The following FAM83E variants were observed in gnomAD, a reference collection of about 807,000 sequenced individuals.
FAM83E encodes the protein protein FAM83E.
FAM83E carries 29 observed loss-of-function variants against 34.3 expected under a neutral mutation model. The ratio of observed to expected loss-of-function variants is 0.85; its 90% CI spans 0.63 to 1.15. The LOEUF is 1.15. Ranked by LOEUF, FAM83E falls within the 50% of genes most tolerant of loss-of-function variation. The pLI is 0.00. For missense variants in FAM83E, 697 were observed against 685.0 expected, an observed-to-expected ratio of 1.02 and a Z score of -0.20; for synonymous variants, 312 against 311.6, an observed-to-expected ratio of 1.00 and a Z score of -0.01.
chr19:48,613,861 CCTGT>C lies in FAM83E; in HGVS notation c.-493_-490del. The C allele has an allele frequency of 8.1e-6, 8 of 985,412 alleles. No individual in the cohort carries two copies. Among genetic ancestry groups the C allele is most frequent in the Non-Finnish European group, 9.6e-6 (8 of 829,900 alleles). 61.0% of individuals were successfully genotyped at this position (985,412 alleles called of 1,614,324 possible). A position where few individuals can be genotyped will look rare whatever the true frequency, so the allele number is the denominator to read the frequency against. ...TCATTTCCAGGCGGCAAGCTGCCTG[CCTGT>C]CTCTAATCACCCAAAGGTCCTTAAA... On this transcript the variant is annotated 5_prime_UTR_variant, in exon 3 of 7. Coordinates refer to ENST00000263266, the MANE Select transcript of FAM83E (RefSeq NM_017708.4).
chr19:48,611,170 G>GTTTTTTTTTTTTTTTTTTTTT (rs1352374027), intron 3 of FAM83E, among the ~76,000 whole-genome samples: 1 of 125,726 alleles, frequency 8.0e-6, no homozygotes, highest in African/African-American at 2.8e-5. Flanking sequence ...GTTGTTTTTT[G>GTTTTTTTTTTTTTTTTTTTTT]TTGTTTTTTT....
At position 48,614,113 on chromosome 19, in the gene FAM83E, A is replaced by T. The variant is rs534431327; in HGVS notation, c.-741T>A. On this transcript the variant is annotated 5_prime_UTR_variant, in exon 3 of 7. Transcript: ENST00000263266. ...GCCTCTCCACTGGGCCTGCTCGCTC[A>T]GCCTTAAAGGCCGAAGGCTTGGCAA... 1 of 985,680 alleles carries T rather than the reference A, an allele frequency of 1.0e-6. No homozygotes were observed. Among genetic ancestry groups the T allele is most frequent in the Admixed American group, 6.1e-5 (1 of 16,292 alleles). 61.1% of individuals were successfully genotyped at this position (985,680 alleles called of 1,614,324 possible).
intron 5 of FAM83E, 74 bp downstream of exon 5, chr19:48,609,802 G>T: frequency 6.7e-7 from 1 of 1,499,314 alleles, no homozygotes. Context: ...GGGGATGCCA[G>T]CTGTTCTCTG....
intron 6 of FAM83E, among the ~76,000 whole-genome samples, chr19:48,602,905 GC>G (rs1973856172): frequency 1.4e-5 from 2 of 147,558 alleles, no homozygotes; most frequent in Non-Finnish European, 3.0e-5. Context: ...AGGCTAGAGT[GC>G]AGTGGAACGA....
At chr19:48,607,328 T>G in intron 5 of FAM83E, 1 of 1,594,184 alleles carries the variant, frequency 6.3e-7, no homozygotes, top group Non-Finnish European at 8.5e-7. Flanking sequence ...GGGCTGGGTA[T>G]GCTGCTTCCT....
At position 48,613,599 on chromosome 19, in the gene FAM83E, A is replaced by G. The variant is rs368517920; in HGVS notation, c.-227T>C. On this transcript the variant is annotated 5_prime_UTR_variant, in exon 3 of 7. Coordinates refer to ENST00000263266, the MANE Select transcript of FAM83E (RefSeq NM_017708.4). Reference sequence around the variant, plus strand: ...CAAATAAGCGACCATCCAATGTGTCAGGCCACTCAGATCCGCCACCTGCCT... The same window carrying G: ...CAAATAAGCGACCATCCAATGTGTCGGGCCACTCAGATCCGCCACCTGCCT... The G allele has an allele frequency of 6.5e-4, 898 of 1,387,020 alleles. 5 individuals are homozygous for G. The African/African-American group carries it at 0.012, about 19-fold the overall frequency. The allele number at this position is 1,387,020 out of a possible 1,614,324, so 85.9% of individuals were successfully genotyped here. A position where few individuals can be genotyped will look rare whatever the true frequency, so the allele number is the denominator to read the frequency against.
At position 48,601,096 on chromosome 19, in the gene FAM83E, C is replaced by G. The variant is rs763564469; in HGVS notation, c.*13G>C. 6.9e-6 allele frequency: 11 copies of G among 1,601,560 alleles called. No homozygotes were observed. In the Admixed American group the frequency reaches 1.9e-4, roughly 28 times the overall value. ...TCCTTGGGTGGGCCAGCAGATTTGG[C>G]TTGGGCTCCTGTTCAGGGTTGCCCC... is the stretch of plus-strand genomic sequence containing the variant. On this transcript the variant is annotated 3_prime_UTR_variant, in exon 7 of 7. Coordinates refer to ENST00000263266, the MANE Select transcript of FAM83E (RefSeq NM_017708.4).
Position 48,614,792 on chromosome 19 carries a change from ACTTCTGCGGTGCTTCCCGGCTTCTG to A in FAM83E, c.-1365_-1341del, listed in dbSNP as rs1461865308. ...CGTAGGCTGTGGCTCCCCGGCTTCTACTTCTGCGGTGCTTCCCGGCTTCTGGCCTCACTCATCAGGCCTCGACCTG... is the reference window on the plus strand; with the variant it reads ...CGTAGGCTGTGGCTCCCCGGCTTCTAGCCTCACTCATCAGGCCTCGACCTG... On this transcript the variant is annotated 5_prime_UTR_variant, in exon 2 of 7. It removes the in-frame stop codon of an upstream open reading frame in the 5' UTR. Transcript: ENST00000263266. 3.1e-6 allele frequency: 3 copies of A among 982,756 alleles called. No individual in the cohort carries two copies. The highest frequency in any genetic ancestry group is 3.6e-6 in the Non-Finnish European group (3 of 828,592). 60.9% of individuals were successfully genotyped at this position (982,756 alleles called of 1,614,324 possible). A position where few individuals can be genotyped will look rare whatever the true frequency, so the allele number is the denominator to read the frequency against.
chr19:48,603,644 G>C lies in FAM83E; in HGVS notation c.1026C>G (p.Ser342=), dbSNP rs1461026974. The C allele has an allele frequency of 7.4e-7, 1 of 1,349,856 alleles. No individual in the cohort carries two copies. The highest frequency in any genetic ancestry group is 9.5e-7 in the Non-Finnish European group (1 of 1,049,204). 83.6% of individuals were successfully genotyped at this position (1,349,856 alleles called of 1,614,324 possible). A position where few individuals can be genotyped will look rare whatever the true frequency, so the allele number is the denominator to read the frequency against. The part of the protein sequence containing the change: ...LAHRLAACRV[S]PATPGPALSD... ...TGAGTGCCGGCCCCGGGGTAGCAGG[G>C]GAGACGCGGCAGGCGGCCAGGCGGT... The change falls in exon 6 of 7, where the codon TCC becomes TCG. Residue 342 remains serine (S), a synonymous_variant. Transcript: ENST00000263266.
At chr19:48,608,110 TTCTC>T (rs778632962) in intron 5 of FAM83E, among the ~76,000 whole-genome samples, 10 of 152,186 alleles carry the variant, frequency 6.6e-5, no homozygotes, top group Admixed American at 2.6e-4. Flanking sequence ...CTGTGTATTG[TTCTC>T]TCTTTTTCTT....
chr19:48,604,041 C>T (rs921992293), intron 5 of FAM83E, 130 bp from the exon 6 acceptor site: 1 of 899,774 alleles, frequency 1.1e-6, no homozygotes, highest in Non-Finnish European at 1.6e-6. Context: ...CTCAGCTTCC[C>T]TGTCTGTAGA....
chr19:48,603,042 T>G (rs917865879), intron 6 of FAM83E, among the ~76,000 whole-genome samples: 5 of 151,180 alleles, frequency 3.3e-5, no homozygotes, highest in Admixed American at 1.3e-4. Flanking sequence ...TTAGTAGAGA[T>G]AGGGTTTCAC....
intron 3 of FAM83E, 69 bp downstream of exon 3, chr19:48,612,839 A>T: frequency 6.9e-7 from 1 of 1,459,196 alleles, no homozygotes. Context: ...TCCCAGGAGG[A>T]CAAGGGAGAG....
rs369917515 is a variant in FAM83E, at chr19:48,603,797, G to T, written c.873C>A (p.Leu291=). The change falls in exon 6 of 7, where the codon CTC becomes CTA. Residue 291 remains leucine, a synonymous_variant. Transcript: ENST00000263266. ...FRTLYAASCP[L]PPAPPQKPSV... ...AGGGTTTCTGGGGGGGCGCAGGTGG[G>T]AGCGGGCAGGAGGCCGCGTACAGCG... The T allele has an allele frequency of 6.3e-7, 1 of 1,597,310 alleles. No individual in the cohort carries two copies. The highest frequency in any genetic ancestry group is 1.4e-5 in the African/African-American group (1 of 73,342).
In FAM83E at chr19:48,599,985, C is replaced by T. The variant is rs1199067970; in HGVS notation, c.*1124G>A. 6.6e-6 allele frequency among the ~76,000 whole-genome samples: 1 copy of T among 152,134 alleles called. No individual in the cohort carries two copies. The highest frequency in any genetic ancestry group is 1.9e-4 in the East Asian group (1 of 5,190). On this transcript the variant is annotated 3_prime_UTR_variant, in exon 7 of 7. Coordinates refer to ENST00000263266, the MANE Select transcript of FAM83E (RefSeq NM_017708.4). This position sits in a 1 kb window ranked among gnomAD's most constrained non-coding sequence, Gnocchi z 4.1. ...GTTTTTGGCATAAAGTGGTTTTATT[C>T]CGAGCAGAGGTAAACGGGAGCTCCG...
intron 5 of FAM83E, among the ~76,000 whole-genome samples, chr19:48,605,913 G>A (rs1372652707): frequency 6.6e-6 from 1 of 152,166 alleles, no homozygotes; most frequent in Non-Finnish European, 1.5e-5. Context: ...TCAAATGACT[G>A]AATTTGAATC....
At chr19:48,602,706 T>A (rs1808365) in intron 6 of FAM83E, among the ~76,000 whole-genome samples, 4,881 of 15,404 alleles carry the variant, frequency 0.32, 1,433 homozygotes, top group African/African-American at 0.39. Context: ...AAAAAAAAAA[T>A]ATATATATAT....
At chr19:48,607,405 A>G (rs764489856) in intron 5 of FAM83E, 1 of 1,507,978 alleles carries the variant, frequency 6.6e-7, no homozygotes, top group Non-Finnish European at 8.9e-7. Flanking sequence ...GCCACTCCCC[A>G]TGTCCCCATG....
chr19:48,606,628 C>A (rs189448280), intron 5 of FAM83E: 256 of 285,814 alleles, frequency 9.0e-4, no homozygotes, highest in African/African-American at 5.1e-3. Context: ...CCTCTTGCGC[C>A]CCGGCAGGTC....
Sources: gnomAD v4.1 joint callset for allele counts (sites outside exome capture counted in the v4.1 genomes callset) on GRCh38, gnomAD v4.1.1 for gene constraint, Gnocchi (gnomAD v3.1) non-coding constraint, MANE v1.5 for transcripts, NCBI Gene and HGNC (gene_info 2026-07-23, HGNC 2026-07-21) for gene names.